The following ARG2 variants were observed in gnomAD, a reference collection of about 807,000 sequenced individuals.
The protein encoded by ARG2 is arginase-2, mitochondrial.
In ARG2, 21 loss-of-function variants were observed where a neutral mutation model predicts 39.4. That is an observed-to-expected ratio of 0.53 (90% confidence interval 0.38 to 0.77). ARG2 has a LOEUF of 0.77. ARG2 is among the 30% of genes least tolerant of loss of function. The pLI, the probability that ARG2 is intolerant of heterozygous loss-of-function variation, is 0.00. For synonymous variants in ARG2, 150 were observed against 156.7 expected (o/e 0.96, Z 0.32); for missense variants, 378 against 426.2 (o/e 0.89, Z 1.00).
chr14:67,641,878 G>A (rs546794046), intron 2 of ARG2, among the ~76,000 whole-genome samples: 45 of 152,248 alleles, frequency 3.0e-4, no homozygotes, highest in African/African-American at 1.1e-3. Context: ...TTTTCTTTAA[G>A]ATTGTTGGTT....
intron 2 of ARG2, among the ~76,000 whole-genome samples, chr14:67,636,828 A>G (rs2036976680): frequency 6.6e-6 from 1 of 152,238 alleles, no homozygotes; most frequent in Non-Finnish European, 1.5e-5. Flanking sequence ...TCTATTTGAC[A>G]TGAGAACTTC....
At position 67,642,793 on chromosome 14, in the gene ARG2, C is replaced by CTTTTTTTTTTTTTTTTT. The variant is rs869215946; in HGVS notation, c.362+441_362+457dup. 5.8e-4 allele frequency among the ~76,000 whole-genome samples: 44 copies of CTTTTTTTTTTTTTTTTT among 75,556 alleles called. 13 individuals carry two copies. Among genetic ancestry groups the CTTTTTTTTTTTTTTTTT allele is most frequent in the African/African-American group, 1.6e-3 (30 of 18,252 alleles). The allele number at this position is 75,556 out of a possible 152,430, so 49.6% of individuals were successfully genotyped here. ...CCCCTTTGGCATGTTACTACATTTT[C>CTTTTTTTTTTTTTTTTT]TTTTTTTTTTTTTTTTTTTTTTTTT... On this transcript the variant is annotated intron_variant, in intron 3 of 7. Coordinates refer to ENST00000261783, the MANE Select transcript of ARG2 (RefSeq NM_001172.4).
At position 67,648,128 on chromosome 14, in the gene ARG2, C is replaced by A. The variant is rs146923741; in HGVS notation, c.804C>A (p.Val268=). 1.2e-6 allele frequency: 2 copies of A among 1,613,992 alleles called. No individual in the cohort carries two copies. Among genetic ancestry groups the A allele is most frequent in the Middle Eastern group, 3.3e-4 (2 of 6,062 alleles). ...CTCCAGCCACAGGAACTCCTGTTGT[C>A]GGGGGACTAACCTATCGAGAAGGCA... ...TLAPATGTPV[V]GGLTYREGMY... Residue 268 remains valine (V), a synonymous_variant, in exon 7 of 8, where the codon GTC becomes GTA. Coordinates refer to ENST00000261783, the MANE Select transcript of ARG2 (RefSeq NM_001172.4).
In ARG2 at chr14:67,636,693, C is replaced by T. The variant is rs150310855; in HGVS notation, c.185-5493C>T. Among the ~76,000 whole-genome samples the T allele has an allele frequency of 1.3e-3, 198 of 152,346 alleles. 4 individuals carry two copies. In the East Asian group the frequency reaches 0.028, roughly 21 times the overall value. On this transcript the variant is annotated intron_variant, in intron 2 of 7. Transcript: ENST00000261783. The stretch of plus-strand genomic sequence containing the variant: ...GGTTTATCAAGGCCAAAGGTAACAT[C>T]TGGGCCTGAAAGATCAGAGTAGTAC...
chr14:67,650,969 A>T lies in ARG2; in HGVS notation c.*49A>T. 6.4e-7 allele frequency: 1 copy of T among 1,551,338 alleles called. No individual in the cohort carries two copies. Among genetic ancestry groups the T allele is most frequent in the Non-Finnish European group, 8.9e-7 (1 of 1,128,898 alleles). ...TCACAACAGGCATTCCAGAATTATG[A>T]GGCATTGAGGGGATAGATGAATACT... On this transcript the variant is annotated 3_prime_UTR_variant, in exon 8 of 8. Transcript: ENST00000261783.
At chr14:67,642,798 T>TTTC (rs2037050271) in intron 3 of ARG2, among the ~76,000 whole-genome samples, 1 of 94,964 alleles carries the variant, frequency 1.1e-5, no homozygotes, top group Non-Finnish European at 2.1e-5. Context: ...ATTTTCTTTT[T>TTTC]TTTTTTTTTT....
chr14:67,640,947 A>C (rs1019366713), intron 2 of ARG2, among the ~76,000 whole-genome samples: 2 of 152,168 alleles, frequency 1.3e-5, no homozygotes, highest in African/African-American at 4.8e-5. Flanking sequence ...TTGAGCACCA[A>C]TATGACATTA....
intron 2 of ARG2, among the ~76,000 whole-genome samples, chr14:67,640,423 T>C (rs1366388080): frequency 2.0e-5 from 3 of 152,232 alleles, no homozygotes; most frequent in Non-Finnish European, 4.4e-5. Context: ...CCAATATCTC[T>C]TGCGGTGGCA....
At chr14:67,623,732 G>A (rs2036836035) in intron 2 of ARG2, among the ~76,000 whole-genome samples, 1 of 151,940 alleles carries the variant, frequency 6.6e-6, no homozygotes, top group Non-Finnish European at 1.5e-5. Context: ...AGTAGAGATG[G>A]GGTTTCACCA....
chr14:67,633,497 A>G (rs1466356078), intron 2 of ARG2, among the ~76,000 whole-genome samples: 1 of 152,196 alleles, frequency 6.6e-6, no homozygotes, highest in Non-Finnish European at 1.5e-5. Context: ...ATCAATGTCA[A>G]CATATCCCAA....
intron 7 of ARG2, chr14:67,649,614 C>T (rs1473579539): frequency 6.6e-6 from 1 of 152,144 alleles, no homozygotes; most frequent in Non-Finnish European, 1.5e-5. Context: ...AACACAGGTC[C>T]ATGTGCAGGA....
At chr14:67,643,361 G>C (rs2037057558) in intron 3 of ARG2, among the ~76,000 whole-genome samples, 1 of 152,208 alleles carries the variant, frequency 6.6e-6, no homozygotes. Flanking sequence ...GATTTCACAA[G>C]GGAATGTGAT....
At chr14:67,633,406 G>A (rs959501385) in intron 2 of ARG2, among the ~76,000 whole-genome samples, 4 of 152,084 alleles carry the variant, frequency 2.6e-5, no homozygotes, top group East Asian at 1.9e-4. Context: ...ACATTTCAGC[G>A]ATACTGTCAG....
chr14:67,648,528 T>C (rs2037130970), intron 7 of ARG2: 2 of 171,324 alleles, frequency 1.2e-5, no homozygotes. Flanking sequence ...TGCAAGGCTG[T>C]AATTTGCACT....
intron 7 of ARG2, chr14:67,650,204 T>C (rs2037154394): frequency 6.0e-6 from 1 of 165,656 alleles, no homozygotes; most frequent in Non-Finnish European, 1.3e-5. Flanking sequence ...CAGTAATAAC[T>C]ACATTTCAGG....
At chr14:67,640,196 A>ATTT (rs1326466078) in intron 2 of ARG2, among the ~76,000 whole-genome samples, 3 of 151,792 alleles carry the variant, frequency 2.0e-5, no homozygotes, top group Non-Finnish European at 4.4e-5. Flanking sequence ...CTGTTGTCAT[A>ATTT]TTTTTCTCCT....
At chr14:67,643,411 C>T (rs1378152099) in intron 3 of ARG2, among the ~76,000 whole-genome samples, 4 of 152,214 alleles carry the variant, frequency 2.6e-5, no homozygotes, top group Non-Finnish European at 5.9e-5. Flanking sequence ...GAAGAAGGCA[C>T]TGAAGTACTA....
At chr14:67,650,664 T>G in intron 7 of ARG2, 51 bp from the exon 8 acceptor site, 1 of 1,560,460 alleles carries the variant, frequency 6.4e-7, no homozygotes, top group Non-Finnish European at 8.8e-7. Flanking sequence ...TGACCCTCAC[T>G]GAGAGTAGCA....
Position 67,651,560 on chromosome 14 carries a change from A to G in ARG2, c.*640A>G, listed in dbSNP as rs779556419. On this transcript the variant is annotated 3_prime_UTR_variant, in exon 8 of 8. Coordinates refer to ENST00000261783, the MANE Select transcript of ARG2 (RefSeq NM_001172.4). ...TAAACATTTTGGGGTTAGACCTGGGACCACGGCTGGATACTCTGAGGCTGT... is the reference window on the plus strand; with the variant it reads ...TAAACATTTTGGGGTTAGACCTGGGGCCACGGCTGGATACTCTGAGGCTGT... The G allele has an allele frequency of 5.1e-5, 77 of 1,502,890 alleles. No homozygotes were observed. The highest frequency in any genetic ancestry group is 6.7e-5 in the Non-Finnish European group (74 of 1,108,562). The allele number at this position is 1,502,890 out of a possible 1,614,324, so 93.1% of individuals were successfully genotyped here.
Sources: allele counts gnomAD v4.1 joint callset (sites outside exome capture counted in the v4.1 genomes callset), GRCh38; gene constraint gnomAD v4.1.1; transcripts MANE v1.5; gene names NCBI Gene and HGNC (gene_info 2026-07-23, HGNC 2026-07-21).